The following MDM4 variants were observed in gnomAD, a reference collection of about 807,000 sequenced individuals.
MDM4 encodes the protein MDM4 regulator of p53, also known as protein Mdm4.
Under a neutral mutation model 60.2 loss-of-function variants are expected in MDM4, and 2 were observed. The observed-to-expected ratio is 0.03, with a 90% CI of 0.01 to 0.10. MDM4 has a LOEUF of 0.10. MDM4 is among the 10% of genes least tolerant of loss of function. The pLI is 1.00. For synonymous variants in MDM4, 202 were observed against 198.1 expected, an observed-to-expected ratio of 1.02 and a Z score of -0.17; for missense variants, 447 against 577.5, an observed-to-expected ratio of 0.77 and a Z score of 2.32.
At chr1:204,530,928 ATATGT>A (rs1572476994) in intron 4 of MDM4, 111 bp downstream of exon 4, 11 of 1,394,192 alleles carry the variant, frequency 7.9e-6, no homozygotes, top group Middle Eastern at 1.8e-4. Context: ...AAGAGCCTAC[ATATGT>A]TAGGTAGCCT....
chr1:204,527,643 CAA>C (rs55900130), intron 3 of MDM4, among the ~76,000 whole-genome samples: 4 of 109,458 alleles, frequency 3.7e-5, no homozygotes, highest in Non-Finnish European at 7.5e-5. Context: ...AACTCCATCT[CAA>C]AAAAAAAAAA....
rs369299250 is a variant in MDM4, at chr1:204,544,498, T to C, written c.673-37T>C. 3.2e-6 allele frequency: 5 copies of C among 1,583,028 alleles called. No homozygotes were observed. In the African/African-American group the frequency reaches 5.4e-5, roughly 17 times the overall value. On this transcript the variant is annotated intron_variant, in intron 8 of 10. Coordinates refer to ENST00000367182, the MANE Select transcript of MDM4 (RefSeq NM_002393.5). Reference sequence around the variant, plus strand: ...TGTTTCAACATCTCTGATAAACCTCTGAATACAGAAACTCATGTTTGTTTT... The same window carrying C: ...TGTTTCAACATCTCTGATAAACCTCCGAATACAGAAACTCATGTTTGTTTT...
At chr1:204,525,150 T>C (rs1005033716) in intron 1 of MDM4, among the ~76,000 whole-genome samples, 6 of 152,206 alleles carry the variant, frequency 3.9e-5, no homozygotes, top group Admixed American at 3.9e-4. Flanking sequence ...TAGAGAGTGC[T>C]CTACCTGATA....
chr1:204,547,811 C>T (rs1662814364), intron 10 of MDM4, among the ~76,000 whole-genome samples: 1 of 152,252 alleles, frequency 6.6e-6, no homozygotes, highest in African/African-American at 2.4e-5. Context: ...GCAACTTCCG[C>T]CTCCCGGCTT....
intron 3 of MDM4, chr1:204,529,252 G>T: frequency 1.4e-6 from 1 of 731,048 alleles, no homozygotes; most frequent in South Asian, 1.5e-5. Flanking sequence ...ATTGAACAAG[G>T]ACCAGTTGCA....
intron 1 of MDM4, among the ~76,000 whole-genome samples, chr1:204,523,398 C>T (rs1270539518): frequency 4.2e-5 from 6 of 143,352 alleles, no homozygotes; most frequent in Admixed American, 2.8e-4. Flanking sequence ...ACCCAGGAGG[C>T]GGAGCTTGCA....
At chr1:204,528,818 C>T in intron 3 of MDM4, 5 of 1,417,248 alleles carry the variant, frequency 3.5e-6, no homozygotes, top group Non-Finnish European at 5.0e-6. Flanking sequence ...GTCCCTGGTG[C>T]ACTCCACTCT....
chr1:204,526,983 G>A (rs1007211950), intron 3 of MDM4, among the ~76,000 whole-genome samples: 10 of 152,140 alleles, frequency 6.6e-5, no homozygotes, highest in Non-Finnish European at 1.3e-4. Flanking sequence ...GAGTTAAAAT[G>A]CAGAGCAAGT....
At position 204,550,581 on chromosome 1, in the gene MDM4, A is replaced by G. The variant is rs1182193468; in HGVS notation, c.*899A>G. On this transcript the variant is annotated 3_prime_UTR_variant, in exon 11 of 11. Coordinates refer to ENST00000367182, the MANE Select transcript of MDM4 (RefSeq NM_002393.5). ...GCTTTAAAGTTTTTTTTTTTTTTTG[A>G]GAGACGGTCTCACTTTGTCATCCAA... is the stretch of plus-strand genomic sequence containing the variant. 4 of 154,430 alleles carry G rather than the reference A, an allele frequency of 2.6e-5. No individual in the cohort carries two copies. Among genetic ancestry groups the G allele is most frequent in the Admixed American group, 7.6e-5 (1 of 13,106 alleles). 9.6% of individuals were successfully genotyped at this position (154,430 alleles called of 1,614,324 possible).
At chr1:204,535,683 C>G (rs1039865340) in intron 5 of MDM4, among the ~76,000 whole-genome samples, 2 of 151,950 alleles carry the variant, frequency 1.3e-5, no homozygotes, top group African/African-American at 2.4e-5. Context: ...CAGGTGCGCA[C>G]CACCAAGCCC....
At chr1:204,528,787 C>T in intron 3 of MDM4, 1 of 1,086,564 alleles carries the variant, frequency 9.2e-7, no homozygotes, top group South Asian at 1.3e-5. Context: ...GTACTTCTGT[C>T]ACTCTAGGAA....
chr1:204,517,813 A>G (rs1411900565), intron 1 of MDM4, among the ~76,000 whole-genome samples: 2 of 152,054 alleles, frequency 1.3e-5, no homozygotes, highest in African/African-American at 2.4e-5. Context: ...GTTAAGTATT[A>G]CTGTATCTCA....
chr1:204,526,297 G>T lies in MDM4; in HGVS notation c.79-63G>T, dbSNP rs561077621. On this transcript the variant is annotated intron_variant, in intron 2 of 10. Transcript: ENST00000367182. ...GGGAGCTGTTTAAAGAGGTTCTCTT[G>T]TTCCATAGTTTCAGAAACCTACTTG... 291 of 1,405,592 alleles carry T rather than the reference G, an allele frequency of 2.1e-4. 2 individuals carry two copies. The Middle Eastern group carries it at 5.7e-3, about 28-fold the overall frequency. The allele number at this position is 1,405,592 out of a possible 1,614,324, so 87.1% of individuals were successfully genotyped here.
At chr1:204,544,958 TG>T (rs1210304459) in intron 9 of MDM4, among the ~76,000 whole-genome samples, 1 of 152,204 alleles carries the variant, frequency 6.6e-6, no homozygotes, top group Admixed American at 6.5e-5. Context: ...CAAGGTAAGG[TG>T]CTAATCAAGC....
chr1:204,524,312 T>C (rs1659885660), intron 1 of MDM4, among the ~76,000 whole-genome samples: 2 of 152,156 alleles, frequency 1.3e-5, no homozygotes, highest in African/African-American at 4.8e-5. Flanking sequence ...TCAGGTGATC[T>C]GCCCATCTTA....
chr1:204,532,490 GAC>G, intron 5 of MDM4: 1 of 556,760 alleles, frequency 1.8e-6, no homozygotes, highest in African/African-American at 1.9e-5. Context: ...GCTTCATCTA[GAC>G]ACACTTTTAA....
At chr1:204,545,437 A>C (rs999749279) in intron 9 of MDM4, among the ~76,000 whole-genome samples, 1 of 152,178 alleles carries the variant, frequency 6.6e-6, no homozygotes, top group African/African-American at 2.4e-5. Context: ...ACTCAGAAGA[A>C]ATTGGGGAGG....
At position 204,552,029 on chromosome 1, in the gene MDM4, G is replaced by A. The variant is rs1380547543; in HGVS notation, c.*2347G>A. ...GGACCGGGCGTAGTGGCTCACGCCT[G>A]TAATCCCAACACTTTGGGAGATCAC... On this transcript the variant is annotated 3_prime_UTR_variant, in exon 11 of 11. Coordinates refer to ENST00000367182, the MANE Select transcript of MDM4 (RefSeq NM_002393.5). The A allele has an allele frequency of 1.8e-5, 3 of 170,412 alleles. No homozygotes were observed. The highest frequency in any genetic ancestry group is 2.5e-5 in the Non-Finnish European group (2 of 79,344). The allele number at this position is 170,412 out of a possible 1,614,324, so 10.6% of individuals were successfully genotyped here.
intron 9 of MDM4, 74 bp from the exon 10 acceptor site, chr1:204,546,723 C>CT: frequency 1.1e-6 from 1 of 951,832 alleles, no homozygotes; most frequent in African/African-American, 1.7e-5. Flanking sequence ...AAGCAGTTGT[C>CT]TTTTTTGCTT....
Sources: allele counts gnomAD v4.1 joint callset (sites outside exome capture counted in the v4.1 genomes callset), GRCh38; gene constraint gnomAD v4.1.1; transcripts MANE v1.5; gene names NCBI Gene and HGNC (gene_info 2026-07-23, HGNC 2026-07-21).